Variants in PTPRN2 observed in about 807,000 individuals in gnomAD.
PTPRN2 encodes protein tyrosine phosphatase receptor type N2.
Under a neutral mutation model 118.8 loss-of-function variants are expected in PTPRN2, and 74 were observed. The observed-to-expected ratio is 0.62, with a 90% CI of 0.52 to 0.76. The LOEUF is 0.76. Among genes scored for constraint, PTPRN2 ranks in the 30% least tolerant of loss-of-function variants. The pLI is 0.00. For missense variants in PTPRN2, 1,481 were observed against 1,394.4 expected (o/e 1.06, Z -0.99); for synonymous variants, 641 against 608.0 (o/e 1.05, Z -0.80).
At chr7:158,174,563 C>G (rs1224005320) in intron 5 of PTPRN2, among the ~76,000 whole-genome samples, 1 of 152,184 alleles carries the variant, frequency 6.6e-6, no homozygotes, top group Non-Finnish European at 1.5e-5. Flanking sequence ...CCCCCGCCAT[C>G]AGCATCATCA....
chr7:158,042,093 T>C (rs1808510391), intron 11 of PTPRN2, among the ~76,000 whole-genome samples: 1 of 152,220 alleles, frequency 6.6e-6, no homozygotes. Flanking sequence ...ACACGCACTT[T>C]CTGCCCACGA....
At chr7:157,812,922 C>G (rs775481196) in intron 12 of PTPRN2, among the ~76,000 whole-genome samples, 43 of 152,110 alleles carry the variant, frequency 2.8e-4, no homozygotes, top group African/African-American at 5.3e-4. Context: ...AACCCAGAAG[C>G]CTTCGTCTTG....
rs73510594 is a variant in PTPRN2 at position 158,556,953 on chromosome 7, C to G, written c.112+30605G>C. Reference sequence around the variant, plus strand: ...GCGGCTCCCGCGCAGGTCACTCCCACGCAGGTCAGGTGGCTCCCGCACAGG... The same window carrying G: ...GCGGCTCCCGCGCAGGTCACTCCCAGGCAGGTCAGGTGGCTCCCGCACAGG... On this transcript the variant is annotated intron_variant, in intron 1 of 22. Coordinates refer to ENST00000389418, the MANE Select transcript of PTPRN2 (RefSeq NM_002847.5). Among the ~76,000 whole-genome samples the G allele has an allele frequency of 8.3e-3, 1,029 of 123,752 alleles. 16 individuals are homozygous for G. Among genetic ancestry groups the G allele is most frequent in the African/African-American group, 0.029 (947 of 32,206 alleles). 81.2% of individuals were successfully genotyped at this position (123,752 alleles called of 152,430 possible).
chr7:157,787,112 G>C lies in PTPRN2; in HGVS notation c.1789-104175C>G, dbSNP rs868165901. On this transcript the variant is annotated intron_variant, in intron 12 of 22. Coordinates refer to ENST00000389418, the MANE Select transcript of PTPRN2 (RefSeq NM_002847.5). This position sits in a 1 kb window ranked among gnomAD's most constrained non-coding sequence, Gnocchi z 5.3. ...GGGTGGCTGCCCGGGAGGCGGACGCGGGTGCGGCGGGGGACGCGGGGGTGG... is the reference window on the plus strand; with the variant it reads ...GGGTGGCTGCCCGGGAGGCGGACGCCGGTGCGGCGGGGGACGCGGGGGTGG... Among the ~76,000 whole-genome samples, 2 of 127,194 alleles carry C rather than the reference G, an allele frequency of 1.6e-5. No homozygotes were observed. Among genetic ancestry groups the C allele is most frequent in the East Asian group, 4.2e-4 (2 of 4,718 alleles). 83.4% of individuals were successfully genotyped at this position (127,194 alleles called of 152,430 possible).
intron 9 of PTPRN2, among the ~76,000 whole-genome samples, chr7:158,125,196 C>T (rs1322469191): frequency 6.6e-6 from 1 of 150,616 alleles, no homozygotes; most frequent in Non-Finnish European, 1.5e-5. Context: ...CCTCCCAGGG[C>T]CACCTCCCTG....
In PTPRN2 at chr7:158,456,920, C is replaced by T. The variant is rs116174514; in HGVS notation, c.163+32815G>A. On this transcript the variant is annotated intron_variant, in intron 2 of 22. Coordinates refer to ENST00000389418, the MANE Select transcript of PTPRN2 (RefSeq NM_002847.5). The stretch of plus-strand genomic sequence containing the variant: ...TCCCACAGCACCAGGATCACCACAA[C>T]TCACCCACATGAGGGCTTTAAAAAA... Among the ~76,000 whole-genome samples the T allele has an allele frequency of 3.0e-3, 450 of 152,314 alleles. 2 individuals carry two copies. Among genetic ancestry groups the T allele is most frequent in the African/African-American group, 0.01 (435 of 41,564 alleles).
chr7:158,571,521 ATTTCTTTTTTT>A (rs1438327568), intron 1 of PTPRN2, among the ~76,000 whole-genome samples: 2 of 119,666 alleles, frequency 1.7e-5, no homozygotes, highest in African/African-American at 3.1e-5. Context: ...ACACACACCT[ATTTCTTTTTTT>A]TTTTTTTTTT....
intron 9 of PTPRN2, among the ~76,000 whole-genome samples, chr7:158,125,382 C>A (rs951047538): frequency 3.3e-5 from 5 of 152,190 alleles, no homozygotes; most frequent in Non-Finnish European, 7.3e-5. Context: ...CGGCCACCCC[C>A]CTGCCTCGCG....
In PTPRN2 at chr7:158,587,634, CAGT is replaced by C; in HGVS notation, c.33_35del (p.Leu15del). On this transcript the variant is annotated inframe_deletion, in exon 1 of 23. Coordinates refer to ENST00000389418, the MANE Select transcript of PTPRN2 (RefSeq NM_002847.5). ...GCAGGACGCGTGGCGGCAGCAGCAGCAGTAGCAGCAGCAGCAGCGGGAGCGGCG... is the reference window on the plus strand; with the variant it reads ...GCAGGACGCGTGGCGGCAGCAGCAGCAGCAGCAGCAGCAGCGGGAGCGGCG... 1 of 1,368,638 alleles carries C rather than the reference CAGT, an allele frequency of 7.3e-7. No individual in the cohort carries two copies. The highest frequency in any genetic ancestry group is 9.4e-7 in the Non-Finnish European group (1 of 1,064,002). 84.8% of individuals were successfully genotyped at this position (1,368,638 alleles called of 1,614,324 possible).
intron 12 of PTPRN2, among the ~76,000 whole-genome samples, chr7:157,844,017 C>T (rs897128246): frequency 1.3e-5 from 2 of 152,116 alleles, no homozygotes; most frequent in Non-Finnish European, 2.9e-5. Flanking sequence ...ACCCCCTGCA[C>T]GGAGGAGGGG....
chr7:158,217,436 G>A (rs185394995), intron 3 of PTPRN2, among the ~76,000 whole-genome samples: 13 of 152,142 alleles, frequency 8.5e-5, no homozygotes, highest in Admixed American at 2.0e-4. Flanking sequence ...GAGAAATAAC[G>A]AACATAAAAA....
intron 4 of PTPRN2, among the ~76,000 whole-genome samples, chr7:158,196,319 TCATCAACTCTG>T (rs1276122436): frequency 6.6e-6 from 1 of 152,188 alleles, no homozygotes; most frequent in Non-Finnish European, 1.5e-5. Context: ...CAGCTCTGTC[TCATCAACTCTG>T]GCAGGCCACT....
intron 12 of PTPRN2, among the ~76,000 whole-genome samples, chr7:157,800,293 C>T (rs1221443549): frequency 6.6e-6 from 1 of 152,216 alleles, no homozygotes; most frequent in Non-Finnish European, 1.5e-5. Context: ...TCTGCTTAGC[C>T]CCACCTTCCA....
intron 5 of PTPRN2, among the ~76,000 whole-genome samples, chr7:158,182,712 C>T (rs1824816530): frequency 6.6e-6 from 1 of 152,162 alleles, no homozygotes; most frequent in Admixed American, 6.5e-5. Flanking sequence ...TTTTCTTCAT[C>T]TACTCTATTT....
rs542338790 is a variant in PTPRN2 at position 158,311,132 on chromosome 7, C to T, written c.277+5687G>A. On this transcript the variant is annotated intron_variant, in intron 3 of 22. Coordinates refer to ENST00000389418, the MANE Select transcript of PTPRN2 (RefSeq NM_002847.5). ...GAGTGGGCAAGGAGGAGGCAGAACC[C>T]GGCTCCCCTGACCTGTGCCGGCAAG... 5.3e-5 allele frequency among the ~76,000 whole-genome samples: 8 copies of T among 152,054 alleles called. No individual in the cohort carries two copies. In the South Asian group the frequency reaches 6.2e-4, roughly 12 times the overall value.
chr7:157,588,398 T>A (rs1262465848), intron 17 of PTPRN2, among the ~76,000 whole-genome samples: 4 of 152,192 alleles, frequency 2.6e-5, no homozygotes, highest in South Asian at 2.1e-4. Context: ...GCCCCTCCCC[T>A]GCCTCCCCGG....
At position 157,543,694 on chromosome 7, in the gene PTPRN2, A is replaced by G. The variant is rs533932552; in HGVS notation, c.2977-2909T>C. ...TGGAGATGTACAAATAGGAACCTTA[A>G]AGAGGACCTCAGTGATCGTGTCTCT... On this transcript the variant is annotated intron_variant, in intron 22 of 22. Transcript: ENST00000389418. Among the ~76,000 whole-genome samples, 9 of 152,358 alleles carry G rather than the reference A, an allele frequency of 5.9e-5. No homozygotes were observed. In the South Asian group the frequency reaches 1.7e-3, roughly 28 times the overall value.
intron 2 of PTPRN2, among the ~76,000 whole-genome samples, chr7:158,367,599 G>A (rs563013487): frequency 6.6e-5 from 10 of 152,278 alleles, no homozygotes; most frequent in African/African-American, 2.2e-4. Context: ...GCGGGCGAAG[G>A]ATGACGAAAT....
At chr7:158,489,060 C>T (rs1247885014) in intron 2 of PTPRN2, among the ~76,000 whole-genome samples, 1 of 152,260 alleles carries the variant, frequency 6.6e-6, no homozygotes, top group Non-Finnish European at 1.5e-5. Flanking sequence ...TAATAACTGC[C>T]GTCCTCATGG....
Sources: allele counts gnomAD v4.1 joint callset (sites outside exome capture counted in the v4.1 genomes callset), GRCh38; gene constraint gnomAD v4.1.1; non-coding constraint Gnocchi (gnomAD v3.1); transcripts MANE v1.5; gene names NCBI Gene and HGNC (gene_info 2026-07-23, HGNC 2026-07-21).